Variants in GYPE observed in about 807,000 individuals in gnomAD.
GYPE encodes the protein glycophorin-E.
In GYPE, 8 loss-of-function variants were observed where a neutral mutation model predicts 11.6. The ratio of observed to expected loss-of-function variants is 0.69; its 90% CI spans 0.41 to 1.25. GYPE has a LOEUF of 1.25. Among genes scored for constraint, GYPE ranks in the 50% most tolerant of loss-of-function variants. GYPE has a pLI of 0.01. For synonymous variants in GYPE, 28 were observed against 29.6 expected, an observed-to-expected ratio of 0.94 and a Z score of 0.18; for missense variants, 90 against 92.8, an observed-to-expected ratio of 0.97 and a Z score of 0.12.
At chr4:143,904,573 C>A (rs1473137770) in intron 1 of GYPE, among the ~76,000 whole-genome samples, 1 of 152,128 alleles carries the variant, frequency 6.6e-6, no homozygotes, top group Non-Finnish European at 1.5e-5. Context: ...TCTCTCTTCC[C>A]TGTATGCTAC....
chr4:143,903,585 A>T (rs1395783610), intron 1 of GYPE, among the ~76,000 whole-genome samples: 1 of 151,108 alleles, frequency 6.6e-6, no homozygotes, highest in African/African-American at 2.4e-5. Context: ...GTCTTCAGCT[A>T]ATCAGTATGG....
chr4:143,883,574 T>C lies in GYPE; in HGVS notation c.38-3065A>G, dbSNP rs867819997. Among the ~76,000 whole-genome samples the C allele has an allele frequency of 9.3e-4, 134 of 144,502 alleles. 6 individuals carry two copies. The highest frequency in any genetic ancestry group is 3.2e-3 in the African/African-American group (128 of 39,624). The allele number at this position is 144,502 out of a possible 152,430, so 94.8% of individuals were successfully genotyped here. A position where few individuals can be genotyped will look rare whatever the true frequency, so the allele number is the denominator to read the frequency against. ...TTAATTTATAATTATTAATAACATG[T>C]AATTAATTATGAATTAATAATTAAT... is the stretch of plus-strand genomic sequence containing the variant. On this transcript the variant is annotated intron_variant, in intron 1 of 3. Coordinates refer to ENST00000358615, the MANE Select transcript of GYPE (RefSeq NM_198682.3).
intron 1 of GYPE, among the ~76,000 whole-genome samples, chr4:143,899,352 A>G (rs1053991909): frequency 6.6e-6 from 1 of 152,200 alleles, no homozygotes; most frequent in Non-Finnish European, 1.5e-5. Flanking sequence ...ACCTTGCAAA[A>G]TTAACTTGAT....
intron 3 of GYPE, among the ~76,000 whole-genome samples, chr4:143,872,919 A>C (rs944540483): frequency 1.3e-5 from 2 of 152,118 alleles, no homozygotes; most frequent in African/African-American, 4.8e-5. Context: ...GCATGTGGAC[A>C]GGTCAGAACT....
intron 1 of GYPE, among the ~76,000 whole-genome samples, chr4:143,901,661 A>G (rs1399757568): frequency 2.6e-5 from 4 of 151,742 alleles, no homozygotes; most frequent in African/African-American, 9.7e-5. Flanking sequence ...TGAGCAAAAG[A>G]TATTACATTT....
intron 1 of GYPE, among the ~76,000 whole-genome samples, chr4:143,903,704 G>C (rs1190338946): frequency 6.6e-6 from 1 of 151,960 alleles, no homozygotes; most frequent in African/African-American, 2.4e-5. Context: ...CTTGGGTACT[G>C]GAGACCATTG....
At chr4:143,891,574 C>T (rs1223675197) in intron 1 of GYPE, among the ~76,000 whole-genome samples, 4 of 151,912 alleles carry the variant, frequency 2.6e-5, no homozygotes, top group Middle Eastern at 3.2e-3. Flanking sequence ...ATGATCCACC[C>T]GCCTCAGCTT....
chr4:143,904,450 C>A (rs1219716579), intron 1 of GYPE, among the ~76,000 whole-genome samples: 3 of 152,104 alleles, frequency 2.0e-5, no homozygotes, highest in African/African-American at 7.2e-5. Context: ...TTAATGTTCC[C>A]CAGCCTTGAG....
intron 1 of GYPE, among the ~76,000 whole-genome samples, chr4:143,893,561 C>T (rs1227387273): frequency 1.3e-5 from 2 of 152,114 alleles, no homozygotes; most frequent in East Asian, 3.9e-4. Flanking sequence ...ATATCTCCTT[C>T]ACTTATGAAG....
At position 143,883,348 on chromosome 4, in the gene GYPE, G is replaced by T. The variant is rs575526775; in HGVS notation, c.38-2839C>A. On this transcript the variant is annotated intron_variant, in intron 1 of 3. Transcript: ENST00000358615. ...CTTCTTGTATAGCCTGCAGAACCAT[G>T]AGGCAATTAAACCTCTTTTCTTTAT... 9.9e-5 allele frequency among the ~76,000 whole-genome samples: 15 copies of T among 152,056 alleles called. No homozygotes were observed. In the East Asian group the frequency reaches 2.9e-3, roughly 29 times the overall value.
chr4:143,891,316 AT>A lies in GYPE; in HGVS notation c.38-10808del, dbSNP rs1174015133. ...TCCACATGTTATTATTATTATTTTG[AT>A]TTTTTTTGTTTCTTTTTTTTTTTTT... On this transcript the variant is annotated intron_variant, in intron 1 of 3. Coordinates refer to ENST00000358615, the MANE Select transcript of GYPE (RefSeq NM_198682.3). 4.5e-3 allele frequency among the ~76,000 whole-genome samples: 73 copies of A among 16,084 alleles called. 1 individual carries two copies. Among genetic ancestry groups the A allele is most frequent in the African/African-American group, 5.2e-3 (70 of 13,334 alleles). 10.6% of individuals were successfully genotyped at this position (16,084 alleles called of 152,430 possible).
chr4:143,895,363 C>G (rs1744587067), intron 1 of GYPE, among the ~76,000 whole-genome samples: 1 of 152,068 alleles, frequency 6.6e-6, no homozygotes, highest in Admixed American at 6.6e-5. Flanking sequence ...ACAACAATAA[C>G]AGACAAACAG....
chr4:143,880,652 G>C (rs114588483), intron 1 of GYPE, 143 bp from the exon 2 acceptor site: 1 of 1,323,568 alleles, frequency 7.6e-7, no homozygotes, highest in East Asian at 2.5e-5. Flanking sequence ...AATCTTTAGA[G>C]AATTGCTGTG....
intron 3 of GYPE, among the ~76,000 whole-genome samples, chr4:143,872,767 A>G (rs190350999): frequency 6.6e-6 from 1 of 152,146 alleles, no homozygotes. Context: ...ATATGAAGCA[A>G]AAAAAGGAGA....
At chr4:143,902,340 G>GAAAA (rs201093353) in intron 1 of GYPE, among the ~76,000 whole-genome samples, 1 of 133,704 alleles carries the variant, frequency 7.5e-6, no homozygotes. Flanking sequence ...TTGGATCCCT[G>GAAAA]AAAAAAAAAA....
chr4:143,877,686 AGC>A (rs1199674689), intron 2 of GYPE, among the ~76,000 whole-genome samples: 20 of 152,058 alleles, frequency 1.3e-4, no homozygotes, highest in Admixed American at 6.6e-4. Flanking sequence ...GGTGTTGCCC[AGC>A]CTTCTTGACC....
chr4:143,876,531 G>A (rs1332852835), intron 3 of GYPE, among the ~76,000 whole-genome samples: 1 of 152,034 alleles, frequency 6.6e-6, no homozygotes, highest in Non-Finnish European at 1.5e-5. Context: ...GGGAAAATGG[G>A]GGACAGATTT....
At chr4:143,873,087 G>T (rs1218066353) in intron 3 of GYPE, among the ~76,000 whole-genome samples, 1 of 152,180 alleles carries the variant, frequency 6.6e-6, no homozygotes, top group Non-Finnish European at 1.5e-5. Context: ...AGGGAGACAA[G>T]CTGTGGGGCT....
intron 1 of GYPE, among the ~76,000 whole-genome samples, chr4:143,895,732 CA>C (rs1041895213): frequency 1.6e-4 from 23 of 147,828 alleles, no homozygotes; most frequent in African/African-American, 4.2e-4. Context: ...AAGCTGGAGG[CA>C]TCACGCTACC....
Sources: gnomAD v4.1 joint callset for allele counts (sites outside exome capture counted in the v4.1 genomes callset) on GRCh38, gnomAD v4.1.1 for gene constraint, MANE v1.5 for transcripts, NCBI Gene and HGNC (gene_info 2026-07-23, HGNC 2026-07-21) for gene names.